NRXN3: variants seen among roughly 807,000 people sequenced by gnomAD.
NRXN3 encodes neurexin 3.
Under a neutral mutation model 137.6 loss-of-function variants are expected in NRXN3, and 32 were observed. The ratio of observed to expected loss-of-function variants is 0.23; its 90% CI spans 0.18 to 0.31. NRXN3 has a LOEUF of 0.31. Among genes scored for constraint, NRXN3 ranks in the 10% least tolerant of loss-of-function variants. NRXN3 has a pLI of 1.00. For missense variants in NRXN3, 1,574 were observed against 2,062.5 expected, an observed-to-expected ratio of 0.76 and a Z score of 4.59; for synonymous variants, 798 against 784.5, an observed-to-expected ratio of 1.02 and a Z score of -0.29.
chr14:79,232,636 T>G (rs1568706461), intron 15 of NRXN3, among the ~76,000 whole-genome samples: 1 of 152,158 alleles, frequency 6.6e-6, no homozygotes, highest in Non-Finnish European at 1.5e-5. Flanking sequence ...AGATTTCAGG[T>G]ACCACATCAG....
chr14:78,254,693 A>AT (rs5809871), intron 2 of NRXN3, among the ~76,000 whole-genome samples: 1 of 151,324 alleles, frequency 6.6e-6, no homozygotes, highest in Non-Finnish European at 1.5e-5. Context: ...AAAAAAAAAA[A>AT]GATTGGAAGT....
At chr14:78,530,005 T>G in intron 4 of NRXN3, among the ~76,000 whole-genome samples, 1 of 152,352 alleles carries the variant, frequency 6.6e-6, no homozygotes, top group Middle Eastern at 3.4e-3. Flanking sequence ...ATTTATACAG[T>G]GCAATTTAAT....
chr14:79,002,359 C>T (rs567846173), intron 15 of NRXN3, among the ~76,000 whole-genome samples: 34 of 152,196 alleles, frequency 2.2e-4, no homozygotes, highest in Non-Finnish European at 4.3e-4. Flanking sequence ...TCCTAATGCT[C>T]TCCCTCCTCT....
At chr14:79,727,095 A>T (rs2098894908) in intron 19 of NRXN3, among the ~76,000 whole-genome samples, 1 of 152,244 alleles carries the variant, frequency 6.6e-6, no homozygotes, top group South Asian at 2.1e-4. Context: ...CCATATAAAC[A>T]CATAGCACTA....
intron 4 of NRXN3, among the ~76,000 whole-genome samples, chr14:78,553,148 T>C (rs1436038898): frequency 6.6e-6 from 1 of 152,200 alleles, no homozygotes; most frequent in Non-Finnish European, 1.5e-5. Context: ...AGCTTTTTTA[T>C]TTTTTTGAAT....
At chr14:79,166,529 C>T (rs1027841887) in intron 15 of NRXN3, among the ~76,000 whole-genome samples, 2 of 149,628 alleles carry the variant, frequency 1.3e-5, no homozygotes, top group African/African-American at 4.9e-5. Flanking sequence ...TGAAAATGCT[C>T]ATTTTTTGTT....
chr14:79,668,426 G>A (rs889403935), intron 17 of NRXN3, among the ~76,000 whole-genome samples: 18 of 152,162 alleles, frequency 1.2e-4, no homozygotes, highest in Middle Eastern at 3.4e-3. Context: ...TTAAGGTTAC[G>A]TTATCAAGGC....
intron 19 of NRXN3, among the ~76,000 whole-genome samples, chr14:79,762,478 T>C (rs2099041994): frequency 6.7e-6 from 1 of 148,920 alleles, no homozygotes; most frequent in African/African-American, 2.5e-5. Flanking sequence ...TTTTTTTTTT[T>C]CAATTTAATA....
intron 15 of NRXN3, among the ~76,000 whole-genome samples, chr14:79,260,324 A>G (rs2077408168): frequency 6.6e-6 from 1 of 152,180 alleles, no homozygotes; most frequent in Non-Finnish European, 1.5e-5. Flanking sequence ...AATTGTTAAA[A>G]AGGCAGACAC....
intron 4 of NRXN3, among the ~76,000 whole-genome samples, chr14:78,625,142 T>A (rs2097445092): frequency 6.6e-6 from 1 of 152,242 alleles, no homozygotes; most frequent in Non-Finnish European, 1.5e-5. Context: ...ACCTGGTCCC[T>A]GTTCCTTATC....
intron 15 of NRXN3, among the ~76,000 whole-genome samples, chr14:79,257,899 A>T (rs1421825290): frequency 6.6e-6 from 1 of 152,040 alleles, no homozygotes; most frequent in African/African-American, 2.4e-5. Context: ...AAGGAAAATG[A>T]TTCTTATTCA....
At chr14:79,710,104 T>A (rs2098797628) in intron 19 of NRXN3, among the ~76,000 whole-genome samples, 1 of 152,172 alleles carries the variant, frequency 6.6e-6, no homozygotes, top group African/African-American at 2.4e-5. Context: ...TTGTTTTCCA[T>A]TTAAAGTCAA....
intron 16 of NRXN3, among the ~76,000 whole-genome samples, chr14:79,488,550 A>G (rs1263898075): frequency 6.6e-6 from 1 of 152,158 alleles, no homozygotes; most frequent in East Asian, 1.9e-4. Context: ...GGGGCAGAAG[A>G]AGGCAGGGAA....
At chr14:78,735,048 T>C (rs760768345) in intron 8 of NRXN3, among the ~76,000 whole-genome samples, 1 of 152,180 alleles carries the variant, frequency 6.6e-6, no homozygotes, top group Non-Finnish European at 1.5e-5. Flanking sequence ...GTTAAAATAC[T>C]AGTTCTCCAG....
intron 19 of NRXN3, among the ~76,000 whole-genome samples, chr14:79,737,258 G>C (rs1264835995): frequency 6.6e-6 from 1 of 152,158 alleles, no homozygotes; most frequent in African/African-American, 2.4e-5. Flanking sequence ...GGAAATGTTG[G>C]CTGATGGCTT....
At chr14:78,330,971 G>A (rs941586320) in intron 4 of NRXN3, among the ~76,000 whole-genome samples, 2 of 152,006 alleles carry the variant, frequency 1.3e-5, no homozygotes, top group African/African-American at 4.8e-5. Context: ...CCAGTTTTAT[G>A]TTCTTGTATA....
chr14:79,538,111 T>C (rs1389548656), intron 16 of NRXN3, among the ~76,000 whole-genome samples: 1 of 152,256 alleles, frequency 6.6e-6, no homozygotes, highest in Non-Finnish European at 1.5e-5. Context: ...TGTCTGTTCA[T>C]ATCCTTTGCC....
At chr14:78,440,379 CTGA>C (rs1006313053) in intron 4 of NRXN3, among the ~76,000 whole-genome samples, 1 of 151,664 alleles carries the variant, frequency 6.6e-6, no homozygotes, top group Non-Finnish European at 1.5e-5. Flanking sequence ...CAGGCATCAG[CTGA>C]TGATGATGAT....
At chr14:78,745,000 T>A (rs1368878477) in intron 8 of NRXN3, 1 of 152,208 alleles carries the variant, frequency 6.6e-6, no homozygotes, top group Non-Finnish European at 1.5e-5. Flanking sequence ...CAGGCATTGA[T>A]CCAGCATTAG....
Sources: allele counts gnomAD v4.1 joint callset (sites outside exome capture counted in the v4.1 genomes callset), GRCh38; gene constraint gnomAD v4.1.1; transcripts MANE v1.5; gene names NCBI Gene and HGNC (gene_info 2026-07-23, HGNC 2026-07-21).